RAB5A: variants seen among roughly 807,000 people sequenced by gnomAD.
RAB5A encodes the protein ras-related protein Rab-5A.
A neutral mutation model predicts 25.7 loss-of-function variants in RAB5A; 8 were observed. That is an observed-to-expected ratio of 0.31 (90% CI 0.18 to 0.56). The LOEUF is 0.56. RAB5A is among the 20% of genes least tolerant of loss of function. The pLI is 0.91. For missense variants in RAB5A, 192 were observed against 259.7 expected (o/e 0.74, Z 1.79); for synonymous variants, 98 against 89.8 (o/e 1.09, Z -0.52).
intron 2 of RAB5A, among the ~76,000 whole-genome samples, chr3:19,955,164 G>A (rs962009748): frequency 1.3e-5 from 2 of 152,218 alleles, no homozygotes; most frequent in Non-Finnish European, 2.9e-5. Flanking sequence ...GTTAGAATAT[G>A]CAGTGAAATA....
chr3:19,956,492 T>C (rs1358407015), intron 2 of RAB5A, among the ~76,000 whole-genome samples: 1 of 152,168 alleles, frequency 6.6e-6, no homozygotes, highest in African/African-American at 2.4e-5. Context: ...AACTCTTAAG[T>C]GAAGTGCTGT....
chr3:19,974,156 A>T, intron 2 of RAB5A, among the ~76,000 whole-genome samples: 1 of 151,426 alleles, frequency 6.6e-6, no homozygotes, highest in East Asian at 1.9e-4. Context: ...TCATTTTATA[A>T]TGCTACTTTT....
Position 19,983,943 on chromosome 3 carries a change from G to C in RAB5A, c.*120G>C. On this transcript the variant is annotated 3_prime_UTR_variant, in exon 6 of 6. Coordinates refer to ENST00000273047, the MANE Select transcript of RAB5A (RefSeq NM_004162.5). ...AAGAAGAGACTTATGATAGAGTCAA[G>C]TTTCTAATACAGAATTATTTTAAGT... 1 of 676,198 alleles carries C rather than the reference G, an allele frequency of 1.5e-6. No homozygotes were observed. The highest frequency in any genetic ancestry group is 2.5e-6 in the Non-Finnish European group (1 of 392,194). The allele number at this position is 676,198 out of a possible 1,614,324, so 41.9% of individuals were successfully genotyped here.
intron 2 of RAB5A, chr3:19,970,556 G>T: frequency 2.2e-6 from 1 of 456,624 alleles, no homozygotes; most frequent in Non-Finnish European, 4.4e-6. Context: ...AGTAACTCTC[G>T]AAGTGATAAA....
intron 4 of RAB5A, among the ~76,000 whole-genome samples, chr3:19,977,353 C>T (rs552590853): frequency 1.3e-5 from 2 of 152,300 alleles, no homozygotes; most frequent in African/African-American, 2.4e-5. Flanking sequence ...GGATTACAGG[C>T]GTGAGCCACC....
At chr3:19,982,617 G>A (rs945321695) in intron 5 of RAB5A, among the ~76,000 whole-genome samples, 13 of 152,096 alleles carry the variant, frequency 8.5e-5, no homozygotes, top group Non-Finnish European at 1.3e-4. Flanking sequence ...GGGAGTCTGA[G>A]GCGGAAGAGT....
At chr3:19,969,244 C>T (rs1490334560) in intron 2 of RAB5A, among the ~76,000 whole-genome samples, 4 of 151,868 alleles carry the variant, frequency 2.6e-5, no homozygotes, top group Non-Finnish European at 5.9e-5. Flanking sequence ...CAGGGTTTCA[C>T]CATGTTCCTG....
chr3:19,983,878 A>G lies in RAB5A; in HGVS notation c.*55A>G, dbSNP rs947998852. ...TTCTGCTTCCTAAATGTTAATAACA[A>G]TGGAATTGGAGCATTTAACCAGCCC... On this transcript the variant is annotated 3_prime_UTR_variant, in exon 6 of 6. Coordinates refer to ENST00000273047, the MANE Select transcript of RAB5A (RefSeq NM_004162.5). 2.4e-6 allele frequency: 3 copies of G among 1,234,236 alleles called. No individual in the cohort carries two copies. The highest frequency in any genetic ancestry group is 1.3e-5 in the South Asian group (1 of 76,424). 76.5% of individuals were successfully genotyped at this position (1,234,236 alleles called of 1,614,324 possible). A position where few individuals can be genotyped will look rare whatever the true frequency, so the allele number is the denominator to read the frequency against.
At chr3:19,976,014 C>A (rs768225500) in intron 3 of RAB5A, 33 bp from the exon 4 acceptor site, 123 of 1,592,298 alleles carry the variant, frequency 7.7e-5, no homozygotes, top group Non-Finnish European at 9.0e-5. Context: ...ATTTTTTGAG[C>A]CTGTGCTCAA....
At position 19,971,860 on chromosome 3, in the gene RAB5A, A is replaced by G. The variant is rs539239058; in HGVS notation, c.164-3741A>G. The stretch of plus-strand genomic sequence containing the variant: ...TGAGTAGATACCTTGTGAAATATCT[A>G]TTTTTTCACATTTGGGAGCTGCCTC... On this transcript the variant is annotated intron_variant, in intron 2 of 5. Transcript: ENST00000273047. 9.9e-5 allele frequency among the ~76,000 whole-genome samples: 15 copies of G among 152,122 alleles called. No homozygotes were observed. In the South Asian group the frequency reaches 2.5e-3, roughly 25 times the overall value.
At chr3:19,978,562 A>C (rs1382262166) in intron 5 of RAB5A, 159 bp downstream of exon 5, 1 of 560,972 alleles carries the variant, frequency 1.8e-6, no homozygotes, top group East Asian at 3.0e-5. Flanking sequence ...CCACTTTTCT[A>C]AGTCCCTTCC....
At chr3:19,955,403 CTTG>C (rs936297470) in intron 2 of RAB5A, among the ~76,000 whole-genome samples, 2 of 152,196 alleles carry the variant, frequency 1.3e-5, no homozygotes, top group Non-Finnish European at 2.9e-5. Context: ...TAACTAGGAA[CTTG>C]TTAAAATGTA....
rs386396075 is a variant in RAB5A, at chr3:19,969,045, G to GTTTTT, written c.164-6544_164-6540dup. On this transcript the variant is annotated intron_variant, in intron 2 of 5. Coordinates refer to ENST00000273047, the MANE Select transcript of RAB5A (RefSeq NM_004162.5). ...TTTTGGTTTTGGTTTTTTTTTTTTG[G>GTTTTT]TTTTTTTTTTTTTTTTGAGATGGAG... 6.4e-3 allele frequency among the ~76,000 whole-genome samples: 663 copies of GTTTTT among 103,130 alleles called. 21 individuals are homozygous for GTTTTT. The highest frequency in any genetic ancestry group is 7.9e-3 in the Non-Finnish European group (454 of 57,304). The allele number at this position is 103,130 out of a possible 152,430, so 67.7% of individuals were successfully genotyped here. A position where few individuals can be genotyped will look rare whatever the true frequency, so the allele number is the denominator to read the frequency against.
At chr3:19,981,381 G>A (rs1330823570) in intron 5 of RAB5A, among the ~76,000 whole-genome samples, 1 of 152,062 alleles carries the variant, frequency 6.6e-6, no homozygotes, top group Admixed American at 6.6e-5. Flanking sequence ...AGGCCAAGGC[G>A]GGCTATCACC....
At chr3:19,974,378 C>T (rs1215426981) in intron 2 of RAB5A, among the ~76,000 whole-genome samples, 1 of 152,054 alleles carries the variant, frequency 6.6e-6, no homozygotes, top group Non-Finnish European at 1.5e-5. Context: ...TGGTCTTGAT[C>T]TCCTGACCTC....
In RAB5A at chr3:19,947,279, C is replaced by CGGCGGCGGCGGT; in HGVS notation, c.-328_-327insCGGTGGCGGCGG. On this transcript the variant is annotated 5_prime_UTR_variant, in exon 1 of 6. Coordinates refer to ENST00000273047, the MANE Select transcript of RAB5A (RefSeq NM_004162.5). ...GGAACTCCAGCGCCGGCGGCGGCGG[C>CGGCGGCGGCGGT]GGCGGCGGAGGAGGAGAAAGGAAAG... 2 of 200,960 alleles carry CGGCGGCGGCGGT rather than the reference C, an allele frequency of 1.0e-5. No individual in the cohort carries two copies. The highest frequency in any genetic ancestry group is 8.0e-5 in the South Asian group (1 of 12,544). 12.4% of individuals were successfully genotyped at this position (200,960 alleles called of 1,614,324 possible). A position where few individuals can be genotyped will look rare whatever the true frequency, so the allele number is the denominator to read the frequency against.
intron 2 of RAB5A, among the ~76,000 whole-genome samples, chr3:19,971,715 T>C (rs1696755236): frequency 6.6e-6 from 1 of 152,152 alleles, no homozygotes; most frequent in African/African-American, 2.4e-5. Context: ...CCTCAGGTGA[T>C]CCACCTGCCT....
At chr3:19,950,645 C>G (rs17181400) in intron 1 of RAB5A, among the ~76,000 whole-genome samples, 161 bp from the exon 2 acceptor site, 25,716 of 152,120 alleles carry the variant, frequency 0.17, 2,102 homozygotes, top group South Asian at 0.21. Flanking sequence ...GACTCACATC[C>G]TATACCTTTG....
At chr3:19,956,556 GT>G (rs1185994691) in intron 2 of RAB5A, among the ~76,000 whole-genome samples, 1 of 152,182 alleles carries the variant, frequency 6.6e-6, no homozygotes, top group Non-Finnish European at 1.5e-5. Flanking sequence ...CCAACTAGTT[GT>G]TTTTAGTCTA....
Sources: gnomAD v4.1 joint callset for allele counts (sites outside exome capture counted in the v4.1 genomes callset) on GRCh38, gnomAD v4.1.1 for gene constraint, MANE v1.5 for transcripts, NCBI Gene and HGNC (gene_info 2026-07-23, HGNC 2026-07-21) for gene names.